The following DBT variants were observed in gnomAD, a reference collection of about 807,000 sequenced individuals.
DBT encodes lipoamide acyltransferase component of branched-chain alpha-keto acid dehydrogenase complex, mitochondrial.
DBT carries 40 observed loss-of-function variants against 51.3 expected under a neutral mutation model. The ratio of observed to expected loss-of-function variants is 0.78; its 90% CI spans 0.61 to 1.02. The LOEUF is 1.02. DBT is among the 50% of genes least tolerant of loss of function. DBT has a pLI of 0.00. For missense variants in DBT, 510 were observed against 580.2 expected, an observed-to-expected ratio of 0.88 and a Z score of 1.24; for synonymous variants, 181 against 190.4, an observed-to-expected ratio of 0.95 and a Z score of 0.41.
rs373739833 is a variant in DBT at position 100,219,916 on chromosome 1, G to A, written c.434-1169C>T. Among the ~76,000 whole-genome samples, 15 of 152,200 alleles carry A rather than the reference G, an allele frequency of 9.9e-5. No homozygotes were observed. The South Asian group carries it at 2.1e-3, about 21-fold the overall frequency. ...TCCCAACACTTTGGGAGGTAAAGGC[G>A]GGAGAATTGCTTGAGGCCAGGAGTT... On this transcript the variant is annotated intron_variant, in intron 4 of 10. Coordinates refer to ENST00000370132, the MANE Select transcript of DBT (RefSeq NM_001918.5).
At chr1:100,203,424 C>T (rs1202296822) in intron 10 of DBT, among the ~76,000 whole-genome samples, 1 of 152,156 alleles carries the variant, frequency 6.6e-6, no homozygotes. Flanking sequence ...CCTGAATAGA[C>T]CAATAACAAG....
intron 4 of DBT, among the ~76,000 whole-genome samples, chr1:100,223,984 G>A (rs1036874660): frequency 1.3e-5 from 2 of 152,112 alleles, no homozygotes; most frequent in African/African-American, 4.8e-5. Flanking sequence ...AGGACTCATA[G>A]ATAGGACTTG....
intron 3 of DBT, among the ~76,000 whole-genome samples, chr1:100,232,483 TA>T (rs1011928621): frequency 8.6e-5 from 13 of 151,856 alleles, no homozygotes; most frequent in African/African-American, 2.4e-4. Context: ...TTTGTAACTT[TA>T]AAAAAAAATC....
In DBT at chr1:100,249,537, C is replaced by T. The variant is rs560600603; in HGVS notation, c.51+233G>A. Among the ~76,000 whole-genome samples, 11 of 152,322 alleles carry T rather than the reference C, an allele frequency of 7.2e-5. No homozygotes were observed. In the East Asian group the frequency reaches 2.1e-3, roughly 29 times the overall value. On this transcript the variant is annotated intron_variant, in intron 1 of 10. Coordinates refer to ENST00000370132, the MANE Select transcript of DBT (RefSeq NM_001918.5). ...GCTGGGCCTCGGGGTACAGATGGAG[C>T]AGGACGGCTGAGTCGCTGCAGAAGC...
chr1:100,205,741 T>G (rs1000359779), intron 10 of DBT, among the ~76,000 whole-genome samples: 7 of 152,184 alleles, frequency 4.6e-5, no homozygotes, highest in Non-Finnish European at 8.8e-5. Context: ...AAAGAAAATG[T>G]GGCACATATA....
chr1:100,196,441 A>G lies in DBT; in HGVS notation c.1282-19T>C, dbSNP rs1331211326. 73 of 1,418,298 alleles carry G rather than the reference A, an allele frequency of 5.1e-5. No homozygotes were observed. Among genetic ancestry groups the G allele is most frequent in the Non-Finnish European group, 6.7e-5 (69 of 1,032,250 alleles). The allele number at this position is 1,418,298 out of a possible 1,614,324, so 87.9% of individuals were successfully genotyped here. The stretch of plus-strand genomic sequence containing the variant: ...GAATGGCCTAGAAATGAAAAAAAAA[A>G]AAAAAAAAAAAAAAAAAAGAACAAA... On this transcript the variant is annotated intron_variant, in intron 10 of 10. Coordinates refer to ENST00000370132, the MANE Select transcript of DBT (RefSeq NM_001918.5).
intron 4 of DBT, among the ~76,000 whole-genome samples, chr1:100,228,335 C>T (rs765276395): frequency 6.6e-6 from 1 of 151,996 alleles, no homozygotes; most frequent in Non-Finnish European, 1.5e-5. Flanking sequence ...CTAAAAGAGA[C>T]TTAAGAGATA....
intron 4 of DBT, among the ~76,000 whole-genome samples, chr1:100,228,716 C>T (rs1317989738): frequency 6.6e-6 from 1 of 152,128 alleles, no homozygotes; most frequent in Non-Finnish European, 1.5e-5. Flanking sequence ...GCTGAGATCG[C>T]ACCACTGCAC....
At chr1:100,196,732 A>T (rs758331856) in intron 10 of DBT, 75 of 329,006 alleles carry the variant, frequency 2.3e-4, no homozygotes, top group Admixed American at 7.1e-4. Context: ...CTGTATACCC[A>T]CTATGTGCCA....
intron 2 of DBT, among the ~76,000 whole-genome samples, chr1:100,237,520 A>G (rs1244549943): frequency 6.6e-6 from 1 of 152,178 alleles, no homozygotes; most frequent in Admixed American, 6.5e-5. Context: ...CTACAAGTTT[A>G]GAAAAAATTT....
chr1:100,206,083 A>G, intron 10 of DBT, 147 bp downstream of exon 10: 1 of 608,592 alleles, frequency 1.6e-6, no homozygotes, highest in Non-Finnish European at 2.8e-6. Flanking sequence ...AAAAAAAAAA[A>G]AAAAAAAGAA....
intron 7 of DBT, chr1:100,213,266 G>T: frequency 7.5e-7 from 1 of 1,326,028 alleles, no homozygotes; most frequent in Non-Finnish European, 9.6e-7. Flanking sequence ...GTCCCCGCCG[G>T]GGCCGACAGA....
At chr1:100,225,121 G>A (rs968271437) in intron 4 of DBT, among the ~76,000 whole-genome samples, 9 of 137,524 alleles carry the variant, frequency 6.5e-5, no homozygotes, top group Non-Finnish European at 7.7e-5. Context: ...TTTGAAATAT[G>A]TATATACTCA....
chr1:100,201,607 T>C (rs150421799), intron 10 of DBT, among the ~76,000 whole-genome samples: 1 of 152,034 alleles, frequency 6.6e-6, no homozygotes, highest in Non-Finnish European at 1.5e-5. Flanking sequence ...AATTGTCAGA[T>C]TCACCAAGGT....
intron 4 of DBT, among the ~76,000 whole-genome samples, chr1:100,222,245 T>C (rs958987524): frequency 2.3e-4 from 35 of 152,242 alleles, no homozygotes; most frequent in African/African-American, 8.2e-4. Flanking sequence ...CACTACATTA[T>C]TGGAATGGTT....
intron 4 of DBT, among the ~76,000 whole-genome samples, chr1:100,223,904 A>G (rs1341791997): frequency 6.6e-6 from 1 of 152,136 alleles, no homozygotes; most frequent in Non-Finnish European, 1.5e-5. Context: ...GCCTTTTTAT[A>G]TGTCACAGAT....
intron 7 of DBT, among the ~76,000 whole-genome samples, 171 bp downstream of exon 7, chr1:100,214,646 C>T (rs1014955494): frequency 3.3e-5 from 5 of 152,154 alleles, no homozygotes; most frequent in African/African-American, 4.8e-5. Context: ...CCCAGCTACT[C>T]AGGAGGCTAA....
intron 5 of DBT, among the ~76,000 whole-genome samples, chr1:100,217,659 A>G (rs991085782): frequency 3.3e-5 from 5 of 152,254 alleles, no homozygotes; most frequent in African/African-American, 1.2e-4. Flanking sequence ...AGACAAACAA[A>G]AAGTCTCATT....
chr1:100,209,495 T>C (rs539481968), intron 8 of DBT, among the ~76,000 whole-genome samples: 1 of 152,332 alleles, frequency 6.6e-6, no homozygotes, highest in East Asian at 1.9e-4. Flanking sequence ...ATTAACCGTA[T>C]GGGAGCTGAC....
Sources: allele counts gnomAD v4.1 joint callset (sites outside exome capture counted in the v4.1 genomes callset), GRCh38; gene constraint gnomAD v4.1.1; transcripts MANE v1.5; gene names NCBI Gene and HGNC (gene_info 2026-07-23, HGNC 2026-07-21).